Variants in HDAC9 observed in about 807,000 individuals in gnomAD.
The protein encoded by HDAC9 is histone deacetylase 9.
HDAC9 carries 41 observed loss-of-function variants against 139.4 expected under a neutral mutation model. That is an observed-to-expected ratio of 0.29 (90% CI 0.23 to 0.38). The LOEUF (loss-of-function observed/expected upper bound fraction) is 0.38. Among genes scored for constraint, HDAC9 ranks in the 10% least tolerant of loss-of-function variants. The pLI, the probability that HDAC9 is intolerant of heterozygous loss-of-function variation, is 1.00. For missense variants in HDAC9, 1,147 were observed against 1,297.0 expected (o/e 0.88, Z 1.78); for synonymous variants, 517 against 476.2 (o/e 1.09, Z -1.12).
intron 22 of HDAC9, among the ~76,000 whole-genome samples, chr7:18,893,295 G>A (rs532836306): frequency 6.6e-6 from 1 of 152,080 alleles, no homozygotes; most frequent in Non-Finnish European, 1.5e-5. Context: ...ACAAGGGGCA[G>A]CAGCGTGAAG....
intron 2 of HDAC9, among the ~76,000 whole-genome samples, chr7:18,192,441 T>C (rs1407844744): frequency 1.3e-5 from 2 of 152,130 alleles, no homozygotes; most frequent in African/African-American, 4.8e-5. Flanking sequence ...CTCACTTACG[T>C]TGCCAGATTT....
chr7:18,545,676 C>T (rs1455983097), intron 2 of HDAC9, among the ~76,000 whole-genome samples: 1 of 151,760 alleles, frequency 6.6e-6, no homozygotes, highest in Non-Finnish European at 1.5e-5. Context: ...GTGTGAGGTG[C>T]GAGAATGCCA....
chr7:18,937,330 G>T (rs538060968), intron 23 of HDAC9, among the ~76,000 whole-genome samples: 7 of 152,188 alleles, frequency 4.6e-5, no homozygotes, highest in African/African-American at 1.7e-4. Context: ...GAACCACCGT[G>T]CCTGGCTGTC....
chr7:18,852,236 A>C (rs920531293), intron 21 of HDAC9, among the ~76,000 whole-genome samples: 3 of 152,224 alleles, frequency 2.0e-5, no homozygotes, highest in Admixed American at 6.5e-5. Context: ...AGTGAGAATC[A>C]CTACAAGACA....
chr7:18,287,202 G>C (rs1164410119), upstream of HDAC9, among the ~76,000 whole-genome samples: 1 of 151,498 alleles, frequency 6.6e-6, no homozygotes, highest in African/African-American at 2.4e-5. Flanking sequence ...ATTTTCTATT[G>C]CTTATTTTTT....
intron 21 of HDAC9, among the ~76,000 whole-genome samples, chr7:18,843,417 A>G (rs1796711996): frequency 6.6e-6 from 1 of 152,112 alleles, no homozygotes; most frequent in African/African-American, 2.4e-5. Context: ...GACTTAAATA[A>G]CCTAATCTAG....
At chr7:18,146,447 C>A (rs1424998008) in intron 1 of HDAC9, among the ~76,000 whole-genome samples, 2 of 152,072 alleles carry the variant, frequency 1.3e-5, no homozygotes, top group East Asian at 3.8e-4. Context: ...AAAAGTTTTT[C>A]TTCAGAGCTG....
chr7:18,865,315 G>T (rs1798408726), intron 21 of HDAC9, among the ~76,000 whole-genome samples: 1 of 152,184 alleles, frequency 6.6e-6, no homozygotes, highest in Non-Finnish European at 1.5e-5. Context: ...TTCCTTGGAA[G>T]ATTGGCTTTG....
intron 2 of HDAC9, among the ~76,000 whole-genome samples, chr7:18,181,440 T>G (rs1789419095): frequency 6.6e-6 from 1 of 152,210 alleles, no homozygotes; most frequent in African/African-American, 2.4e-5. Context: ...TCTTTGTATG[T>G]CTCCTTTTGC....
chr7:18,163,033 G>A (rs1451819506), intron 2 of HDAC9, among the ~76,000 whole-genome samples: 1 of 152,150 alleles, frequency 6.6e-6, no homozygotes, highest in Non-Finnish European at 1.5e-5. Flanking sequence ...AGAATTTTCT[G>A]CTTGGATACT....
chr7:18,777,665 G>A (rs1364355986), intron 16 of HDAC9, among the ~76,000 whole-genome samples: 1 of 151,862 alleles, frequency 6.6e-6, no homozygotes, highest in Non-Finnish European at 1.5e-5. Context: ...AAAAAACTTG[G>A]CTAAATTTTT....
Position 18,793,475 on chromosome 7 carries a change from T to C in HDAC9, c.2322+23T>C, listed in dbSNP as rs1463923149. The C allele has an allele frequency of 2.1e-6, 3 of 1,413,674 alleles. No individual in the cohort carries two copies. The South Asian group carries it at 3.7e-5, about 17-fold the overall frequency. 87.6% of individuals were successfully genotyped at this position (1,413,674 alleles called of 1,614,324 possible). On this transcript the variant is annotated intron_variant, in intron 17 of 25. Transcript: ENST00000686413. ...AAGGTGAGGTCCGGGTTGCATTAAG[T>C]GTGGGAAATCCAGAGAAGAAACTGA...
At chr7:18,514,831 T>C (rs1385775797) in intron 2 of HDAC9, among the ~76,000 whole-genome samples, 1 of 152,028 alleles carries the variant, frequency 6.6e-6, no homozygotes, top group African/African-American at 2.4e-5. Flanking sequence ...CCTGTAGTCC[T>C]AGCTACTCCG....
At chr7:18,185,113 CAAAGCAAGTGAT>C (rs959101393) in intron 2 of HDAC9, among the ~76,000 whole-genome samples, 68 of 152,268 alleles carry the variant, frequency 4.5e-4, no homozygotes, top group African/African-American at 1.5e-3. Context: ...GACTGGCTTT[CAAAGCAAGTGAT>C]TTTTATGGTT....
intron 2 of HDAC9, among the ~76,000 whole-genome samples, chr7:18,572,131 T>C (rs1824501225): frequency 6.6e-6 from 1 of 151,938 alleles, no homozygotes; most frequent in Admixed American, 6.6e-5. Flanking sequence ...AAAAATCATT[T>C]ATTCAACTAA....
At chr7:18,493,204 T>C (rs1322839347), upstream of HDAC9, among the ~76,000 whole-genome samples, 1 of 151,896 alleles carries the variant, frequency 6.6e-6, no homozygotes, top group African/African-American at 2.4e-5. Context: ...GAAGGTGTAA[T>C]TTAAACTTAA....
chr7:18,722,467 C>A (rs1002939878), intron 12 of HDAC9, among the ~76,000 whole-genome samples: 1 of 152,092 alleles, frequency 6.6e-6, no homozygotes, highest in Non-Finnish European at 1.5e-5. Context: ...GAAGCATGCT[C>A]TTTCATACTT....
At chr7:18,721,398 A>G (rs1379706160) in intron 12 of HDAC9, among the ~76,000 whole-genome samples, 1 of 152,032 alleles carries the variant, frequency 6.6e-6, no homozygotes, top group Non-Finnish European at 1.5e-5. Flanking sequence ...AAAATTTTTC[A>G]TATATTCTTT....
chr7:18,840,801 T>C (rs1796535995), intron 21 of HDAC9, among the ~76,000 whole-genome samples: 1 of 152,100 alleles, frequency 6.6e-6, no homozygotes, highest in African/African-American at 2.4e-5. Context: ...TGATTGGAAA[T>C]CTGTCCAGAT....
Sources: allele counts gnomAD v4.1 joint callset (sites outside exome capture counted in the v4.1 genomes callset), GRCh38; gene constraint gnomAD v4.1.1; transcripts MANE v1.5; gene names NCBI Gene and HGNC (gene_info 2026-07-23, HGNC 2026-07-21).